Variants in ADCY9 observed in about 807,000 individuals in gnomAD.
ADCY9 encodes adenylate cyclase type 9.
A neutral mutation model predicts 101.5 loss-of-function variants in ADCY9; 50 were observed. The ratio of observed to expected loss-of-function variants is 0.49; its 90% CI spans 0.39 to 0.62. The LOEUF (loss-of-function observed/expected upper bound fraction) is 0.62. Ranked by LOEUF, ADCY9 falls within the 20% of genes least tolerant of loss-of-function variation. The probability of loss-of-function intolerance (pLI) is 0.00; values close to 1 mark genes in which losing one functional copy is unlikely to be tolerated. For missense variants in ADCY9, 1,662 were observed against 1,800.4 expected (o/e 0.92, Z 1.39); for synonymous variants, 905 against 769.3 (o/e 1.18, Z -2.92).
intron 2 of ADCY9, among the ~76,000 whole-genome samples, chr16:4,081,618 A>G (rs2056902851): frequency 6.6e-6 from 1 of 152,128 alleles, no homozygotes; most frequent in Non-Finnish European, 1.5e-5. Context: ...CTCCCACCAC[A>G]TCAAATCTAG....
At chr16:4,026,068 G>T (rs1159455088) in intron 2 of ADCY9, among the ~76,000 whole-genome samples, 1 of 152,152 alleles carries the variant, frequency 6.6e-6, no homozygotes, top group African/African-American at 2.4e-5. Flanking sequence ...AGAAATGAAT[G>T]AATGAATGGA....
intron 2 of ADCY9, among the ~76,000 whole-genome samples, chr16:4,084,465 C>T (rs2056924925): frequency 6.6e-6 from 1 of 152,048 alleles, no homozygotes; most frequent in Non-Finnish European, 1.5e-5. Flanking sequence ...GTGGCTCACA[C>T]CTGTAATCTC....
chr16:4,050,459 A>G (rs1307084289), intron 2 of ADCY9, among the ~76,000 whole-genome samples: 1 of 152,150 alleles, frequency 6.6e-6, no homozygotes, highest in Non-Finnish European at 1.5e-5. Context: ...CATGCCTGTA[A>G]TCCCAGCACT....
chr16:4,107,241 A>G (rs1025418487), intron 2 of ADCY9, among the ~76,000 whole-genome samples: 1 of 152,078 alleles, frequency 6.6e-6, no homozygotes. Flanking sequence ...CACGTGCATA[A>G]CAGATCCTGC....
chr16:4,000,121 A>G (rs892617892), intron 3 of ADCY9, among the ~76,000 whole-genome samples: 3 of 152,260 alleles, frequency 2.0e-5, no homozygotes, highest in Middle Eastern at 3.2e-3. Flanking sequence ...TGATGTTAAC[A>G]TGGTGAGCAG....
chr16:4,073,863 G>T (rs1234412600), intron 2 of ADCY9, among the ~76,000 whole-genome samples: 1 of 152,194 alleles, frequency 6.6e-6, no homozygotes, highest in Non-Finnish European at 1.5e-5. Context: ...AAGAGTTCCT[G>T]AAGTGGCCTA....
chr16:4,080,504 C>T (rs577175292), intron 2 of ADCY9, among the ~76,000 whole-genome samples: 19 of 152,230 alleles, frequency 1.2e-4, no homozygotes, highest in African/African-American at 4.6e-4. Flanking sequence ...AGTGATCCTC[C>T]CGCCTCAACC....
chr16:3,953,571 A>T (rs2141660125), intron 5 of ADCY9: 1 of 152,316 alleles, frequency 6.6e-6, no homozygotes, highest in Admixed American at 6.5e-5. Context: ...AGGGGAGGAA[A>T]GAAATAAAAA....
intron 2 of ADCY9, among the ~76,000 whole-genome samples, chr16:4,017,959 C>A (rs1018673952): frequency 7.9e-5 from 12 of 152,324 alleles, no homozygotes; most frequent in South Asian, 2.1e-4. Flanking sequence ...CCAGCCACAC[C>A]CGCACGCCAG....
At chr16:3,988,917 ACAAAAC>A (rs1293325666) in intron 6 of ADCY9, 71 bp downstream of exon 6, 2 of 1,187,162 alleles carry the variant, frequency 1.7e-6, no homozygotes, top group Non-Finnish European at 2.5e-6. Flanking sequence ...TTGGTAAAGC[ACAAAAC>A]TAACAGTGAA....
chr16:4,022,471 C>G (rs184094553), intron 2 of ADCY9, among the ~76,000 whole-genome samples: 2 of 108,840 alleles, frequency 1.8e-5, no homozygotes, highest in East Asian at 5.6e-4. Context: ...AGCCTGGGCA[C>G]CAGAGCGAGA....
chr16:3,960,130 C>G (rs781220942), downstream of ADCY9, among the ~76,000 whole-genome samples: 2 of 152,220 alleles, frequency 1.3e-5, no homozygotes, highest in Admixed American at 6.5e-5. Context: ...GAAACCTCAT[C>G]TGCAGAGAGT....
At chr16:4,035,351 T>G (rs1288446824) in intron 2 of ADCY9, among the ~76,000 whole-genome samples, 1 of 152,356 alleles carries the variant, frequency 6.6e-6, no homozygotes, top group East Asian at 1.9e-4. Context: ...TATTATATCT[T>G]AATAATTACT....
At chr16:4,000,687 C>T (rs2238446) in intron 3 of ADCY9, among the ~76,000 whole-genome samples, 2 of 151,824 alleles carry the variant, frequency 1.3e-5, no homozygotes, top group Non-Finnish European at 2.9e-5. Context: ...CCACACGGGG[C>T]GGAGTCGAAA....
chr16:4,069,424 C>T (rs1286389367), intron 2 of ADCY9, among the ~76,000 whole-genome samples: 1 of 151,438 alleles, frequency 6.6e-6, no homozygotes, highest in Non-Finnish European at 1.5e-5. Context: ...TCGGGGGAGC[C>T]GTGAAGATGT....
At chr16:4,087,104 A>C (rs905271406) in intron 2 of ADCY9, among the ~76,000 whole-genome samples, 1 of 151,774 alleles carries the variant, frequency 6.6e-6, no homozygotes, top group African/African-American at 2.4e-5. Flanking sequence ...CATTCTATTA[A>C]TGTGAAATCC....
At chr16:4,090,980 T>C (rs556106713) in intron 2 of ADCY9, among the ~76,000 whole-genome samples, 2 of 152,196 alleles carry the variant, frequency 1.3e-5, no homozygotes, top group South Asian at 2.1e-4. Context: ...TATGACCAAA[T>C]TGACCTAAGC....
At chr16:4,075,877 G>T (rs2056864044) in intron 2 of ADCY9, among the ~76,000 whole-genome samples, 1 of 152,198 alleles carries the variant, frequency 6.6e-6, no homozygotes, top group African/African-American at 2.4e-5. Context: ...GAAAAATGCA[G>T]GCAGTGTTTT....
chr16:4,058,447 A>G (rs960847278), intron 2 of ADCY9, among the ~76,000 whole-genome samples: 1 of 151,586 alleles, frequency 6.6e-6, no homozygotes, highest in Non-Finnish European at 1.5e-5. Flanking sequence ...CCTGGGAAAC[A>G]GAGAAACTCT....
Sources: allele counts gnomAD v4.1 joint callset (sites outside exome capture counted in the v4.1 genomes callset), GRCh38; gene constraint gnomAD v4.1.1; transcripts MANE v1.5; gene names NCBI Gene and HGNC (gene_info 2026-07-23, HGNC 2026-07-21).